The following RERE variants were observed in gnomAD, a reference collection of about 807,000 sequenced individuals.
The protein encoded by RERE is arginine-glutamic acid dipeptide repeats protein.
In RERE, 40 loss-of-function variants were observed where a neutral mutation model predicts 146.1. The ratio of observed to expected loss-of-function variants is 0.27; its 90% CI spans 0.21 to 0.36. RERE has a LOEUF of 0.36. RERE is among the 10% of genes least tolerant of loss of function. The probability of loss-of-function intolerance (pLI) is 1.00; values close to 1 mark genes in which losing one functional copy is unlikely to be tolerated. For synonymous variants in RERE, 1,003 were observed against 866.0 expected, an observed-to-expected ratio of 1.16 and a Z score of -2.78; for missense variants, 1,933 against 2,138.7, an observed-to-expected ratio of 0.90 and a Z score of 1.90.
chr1:8,530,543 G>C (rs1008447073), intron 7 of RERE, among the ~76,000 whole-genome samples: 14 of 152,128 alleles, frequency 9.2e-5, no homozygotes, highest in African/African-American at 3.4e-4. Context: ...GGAAATTCTA[G>C]AGAAAAAGTT....
intron 1 of RERE, among the ~76,000 whole-genome samples, chr1:8,780,346 G>A (rs545225091): frequency 1.8e-4 from 27 of 152,246 alleles, no homozygotes; most frequent in African/African-American, 6.0e-4. Flanking sequence ...AACACAAACA[G>A]CAGAGAAAAA....
At chr1:8,500,275 C>T (rs1473802813) in intron 8 of RERE, among the ~76,000 whole-genome samples, 1 of 152,162 alleles carries the variant, frequency 6.6e-6, no homozygotes, top group Admixed American at 6.5e-5. Flanking sequence ...TCGAAAAGTA[C>T]TATTACTGTG....
At chr1:8,696,293 A>G (rs146976380) in intron 1 of RERE, among the ~76,000 whole-genome samples, 2 of 152,294 alleles carry the variant, frequency 1.3e-5, no homozygotes, top group East Asian at 3.9e-4. Flanking sequence ...CAACCTAGGA[A>G]CCCACCAATG....
chr1:8,569,379 C>T (rs893367220), intron 4 of RERE, among the ~76,000 whole-genome samples: 1 of 151,948 alleles, frequency 6.6e-6, no homozygotes, highest in Non-Finnish European at 1.5e-5. Flanking sequence ...GAATTAATGA[C>T]TTCTTACACA....
At chr1:8,667,073 C>T (rs1253465943) in intron 1 of RERE, among the ~76,000 whole-genome samples, 1 of 152,132 alleles carries the variant, frequency 6.6e-6, no homozygotes, top group African/African-American at 2.4e-5. Flanking sequence ...GGGTTTAATG[C>T]TGATAGTAGC....
chr1:8,530,128 C>T (rs1645623953), intron 7 of RERE, among the ~76,000 whole-genome samples: 1 of 152,154 alleles, frequency 6.6e-6, no homozygotes, highest in African/African-American at 2.4e-5. Context: ...TGCCAACTGC[C>T]AAGGCCTTCC....
chr1:8,740,453 G>A (rs1296667885), intron 1 of RERE, among the ~76,000 whole-genome samples: 1 of 152,050 alleles, frequency 6.6e-6, no homozygotes. Flanking sequence ...TGTGTGCTTA[G>A]GTTACACTAA....
At chr1:8,744,965 TACCTCCA>T (rs1640391558) in intron 1 of RERE, among the ~76,000 whole-genome samples, 1 of 152,224 alleles carries the variant, frequency 6.6e-6, no homozygotes, top group South Asian at 2.1e-4. Flanking sequence ...CAGTTTATCC[TACCTCCA>T]GTCAAGTGGG....
intron 1 of RERE, among the ~76,000 whole-genome samples, chr1:8,676,901 A>G (rs114297798): frequency 6.6e-6 from 1 of 152,268 alleles, no homozygotes; most frequent in African/African-American, 2.4e-5. Context: ...TCAGTTTTTA[A>G]TATCTTCATT....
Position 8,361,071 on chromosome 1 carries a change from G to T in RERE, c.2436C>A (p.Pro812=). 6.9e-7 allele frequency: 1 copy of T among 1,439,500 alleles called. No homozygotes were observed. The allele number at this position is 1,439,500 out of a possible 1,614,324, so 89.2% of individuals were successfully genotyped here. A position where few individuals can be genotyped will look rare whatever the true frequency, so the allele number is the denominator to read the frequency against. ...AGGGATGCGGCGGGGGATGCGGTGA[G>T]GGCGGCCGCTGGGGGTGCAAGGCCG... ...QAPALHPQRP[P]SPHPPPHPSP... is the part of the protein sequence containing the mutation. The change falls in exon 18 of 23, where the codon CCC becomes CCA. Residue 812 remains proline (P), a synonymous_variant. Coordinates refer to ENST00000400908, the MANE Select transcript of RERE (RefSeq NM_001042681.2).
chr1:8,383,134 G>T lies in RERE; in HGVS notation c.1285-17160C>A, dbSNP rs528728830. 9.2e-5 allele frequency among the ~76,000 whole-genome samples: 14 copies of T among 152,022 alleles called. 1 individual carries two copies. The South Asian group carries it at 2.9e-3, about 32-fold the overall frequency. On this transcript the variant is annotated intron_variant, in intron 12 of 22. Transcript: ENST00000400908. ...AGAATAAGAGAATGTTAGAGATGGTGAATGGTAATGGTGTCTGGGCCTAGT... is the reference window on the plus strand; with the variant it reads ...AGAATAAGAGAATGTTAGAGATGGTTAATGGTAATGGTGTCTGGGCCTAGT...
intron 2 of RERE, among the ~76,000 whole-genome samples, chr1:8,647,741 G>C (rs1473426547): frequency 1.3e-5 from 2 of 151,828 alleles, no homozygotes; most frequent in African/African-American, 4.8e-5. Flanking sequence ...ATGTTTGTCT[G>C]AGTAATTAAT....
At position 8,422,738 on chromosome 1, in the gene RERE, T is replaced by C. The variant is rs760557855; in HGVS notation, c.1273A>G (p.Asn425Asp). 6.8e-6 allele frequency: 11 copies of C among 1,612,158 alleles called. No individual in the cohort carries two copies. In the East Asian group the frequency reaches 1.1e-4, roughly 16 times the overall value. Reference sequence around the variant, plus strand: ...CCAATTGTACTCACTGTTTCCTTATTGGGAAGCAGCTCCTTTCTAATTCTG... The same window carrying C: ...CCAATTGTACTCACTGTTTCCTTATCGGGAAGCAGCTCCTTTCTAATTCTG... Reference protein sequence around the residue: ...FFRIRKELLPNKETGELITFY... With the variant: ...FFRIRKELLPDKETGELITFY... The change falls in exon 12 of 23, where the codon AAT becomes GAT. Residue 425 changes from asparagine to aspartate, a missense_variant. By Grantham distance (23) the Asn-to-Asp change is conservative (BLOSUM62 1). Coordinates refer to ENST00000400908, the MANE Select transcript of RERE (RefSeq NM_001042681.2).
intron 8 of RERE, among the ~76,000 whole-genome samples, chr1:8,506,546 A>G (rs1645252262): frequency 6.6e-6 from 1 of 152,220 alleles, no homozygotes; most frequent in South Asian, 2.1e-4. Context: ...TGAAATCTCT[A>G]TGCACTTCCA....
At chr1:8,377,725 G>A (rs896820145) in intron 12 of RERE, among the ~76,000 whole-genome samples, 1 of 152,004 alleles carries the variant, frequency 6.6e-6, no homozygotes, top group African/African-American at 2.4e-5. Flanking sequence ...CATCCGTCAG[G>A]GTCACCTTAT....
intron 1 of RERE, among the ~76,000 whole-genome samples, chr1:8,741,006 C>A (rs755406568): frequency 1.3e-5 from 2 of 152,166 alleles, no homozygotes; most frequent in African/African-American, 4.8e-5. Flanking sequence ...GTACTGTCCA[C>A]GATTGAATGT....
chr1:8,633,783 C>T (rs1490738665), intron 2 of RERE, among the ~76,000 whole-genome samples: 1 of 151,492 alleles, frequency 6.6e-6, no homozygotes, highest in Non-Finnish European at 1.5e-5. Context: ...AAAAAAATTA[C>T]CCAGGTGTGA....
At chr1:8,717,198 A>G (rs1639781814) in intron 1 of RERE, among the ~76,000 whole-genome samples, 1 of 152,212 alleles carries the variant, frequency 6.6e-6, no homozygotes, top group African/African-American at 2.4e-5. Flanking sequence ...TTTATTCACA[A>G]TTATGTTCCA....
chr1:8,599,575 G>A (rs373745934), intron 4 of RERE, among the ~76,000 whole-genome samples: 2 of 152,160 alleles, frequency 1.3e-5, no homozygotes, highest in East Asian at 1.9e-4. Context: ...ACTGTAAAAC[G>A]GAAGAGAATT....
Sources: allele counts gnomAD v4.1 joint callset (sites outside exome capture counted in the v4.1 genomes callset), GRCh38; gene constraint gnomAD v4.1.1; transcripts MANE v1.5; gene names NCBI Gene and HGNC (gene_info 2026-07-23, HGNC 2026-07-21).